The following RPTOR variants were observed in gnomAD, a reference collection of about 807,000 sequenced individuals.
RPTOR encodes the protein regulatory-associated protein of mTOR.
A neutral mutation model predicts 169.9 loss-of-function variants in RPTOR; 21 were observed. The ratio of observed to expected loss-of-function variants is 0.12; its 90% CI spans 0.09 to 0.18. The LOEUF is 0.18. RPTOR is among the 10% of genes least tolerant of loss of function. The probability of loss-of-function intolerance (pLI) is 1.00; values close to 1 mark genes in which losing one functional copy is unlikely to be tolerated. For missense variants in RPTOR, 1,133 were observed against 1,855.9 expected, an observed-to-expected ratio of 0.61 and a Z score of 7.16; for synonymous variants, 732 against 753.2, an observed-to-expected ratio of 0.97 and a Z score of 0.46.
intron 1 of RPTOR, among the ~76,000 whole-genome samples, chr17:80,582,794 T>C (rs914295026): frequency 1.3e-5 from 2 of 152,070 alleles, no homozygotes; most frequent in African/African-American, 4.8e-5. Context: ...TCCGCCCGCC[T>C]CAGCCTCCCA....
intron 6 of RPTOR, among the ~76,000 whole-genome samples, chr17:80,782,719 G>A (rs898117673): frequency 1.3e-5 from 2 of 152,168 alleles, no homozygotes; most frequent in Non-Finnish European, 2.9e-5. Flanking sequence ...AGTTCTGCAG[G>A]CATTTTCACG....
Position 80,722,548 on chromosome 17 carries a change from G to T in RPTOR, c.508-8012G>T, listed in dbSNP as rs78835762. On this transcript the variant is annotated intron_variant, in intron 4 of 33. Coordinates refer to ENST00000306801, the MANE Select transcript of RPTOR (RefSeq NM_020761.3). ...GTTTGAGGGGAGACGGCGCATAGAT[G>T]TCAGGTGGGGCAGGAATGGAAGAGA... Among the ~76,000 whole-genome samples, 618 of 151,186 alleles carry T rather than the reference G, an allele frequency of 4.1e-3. 45 individuals carry two copies. The highest frequency in any genetic ancestry group is 0.015 in the African/African-American group (598 of 40,522).
In RPTOR at chr17:80,646,035, A is replaced by G. The variant is rs1473786908; in HGVS notation, c.348+2225A>G. Reference sequence around the variant, plus strand: ...TTAAGATTACAGGATGCTTCGGAAAAGGTACCAGCGCAGGCGGGATCCCAT... The same window carrying G: ...TTAAGATTACAGGATGCTTCGGAAAGGGTACCAGCGCAGGCGGGATCCCAT... On this transcript the variant is annotated intron_variant, in intron 3 of 33. Coordinates refer to ENST00000306801, the MANE Select transcript of RPTOR (RefSeq NM_020761.3). This position sits in a 1 kb window ranked among gnomAD's most constrained non-coding sequence, Gnocchi z 5.0. Among the ~76,000 whole-genome samples, 1 of 152,212 alleles carries G rather than the reference A, an allele frequency of 6.6e-6. No homozygotes were observed. The highest frequency in any genetic ancestry group is 1.5e-5 in the Non-Finnish European group (1 of 68,034).
At chr17:80,737,893 ACT>A (rs2066447560) in intron 5 of RPTOR, among the ~76,000 whole-genome samples, 2 of 150,546 alleles carry the variant, frequency 1.3e-5, no homozygotes, top group South Asian at 4.2e-4. Flanking sequence ...TGCCATTTCC[ACT>A]GTCTATAGCA....
intron 25 of RPTOR, chr17:80,941,886 C>T (rs369479315): frequency 1.3e-5 from 2 of 152,270 alleles, no homozygotes; most frequent in South Asian, 4.1e-4. Flanking sequence ...GTACCAGCAA[C>T]GTTTCTGAAG....
chr17:80,593,116 C>A (rs1002487268), intron 1 of RPTOR: 1 of 152,268 alleles, frequency 6.6e-6, no homozygotes, highest in East Asian at 1.9e-4. Context: ...TGGTTTTCCC[C>A]GTGGGATGCT....
chr17:80,583,753 G>C (rs965426634), intron 1 of RPTOR, among the ~76,000 whole-genome samples: 1 of 152,218 alleles, frequency 6.6e-6, no homozygotes, highest in Non-Finnish European at 1.5e-5. Context: ...GAGTAGAAAC[G>C]AGAATGCACC....
Position 80,964,198 on chromosome 17 carries a change from C to G in RPTOR, c.3940-64C>G, listed in dbSNP as rs537743465. Reference sequence around the variant, plus strand: ...CTAAGGATGCGGGTTGGCCTGCGCCCCCCCGCCCCCCGCAGTGTCTGCCCG... The same window carrying G: ...CTAAGGATGCGGGTTGGCCTGCGCCGCCCCGCCCCCCGCAGTGTCTGCCCG... On this transcript the variant is annotated intron_variant, in intron 33 of 33. Transcript: ENST00000306801. 6.9e-6 allele frequency: 8 copies of G among 1,159,194 alleles called. No individual in the cohort carries two copies. The African/African-American group carries it at 7.5e-5, about 11-fold the overall frequency. The allele number at this position is 1,159,194 out of a possible 1,614,324, so 71.8% of individuals were successfully genotyped here.
Position 80,878,350 on chromosome 17 carries a change from A to C in RPTOR, c.1510-2065A>C, listed in dbSNP as rs752290880. Among the ~76,000 whole-genome samples, 2 of 151,558 alleles carry C rather than the reference A, an allele frequency of 1.3e-5. No homozygotes were observed. Among genetic ancestry groups the C allele is most frequent in the African/African-American group, 2.4e-5 (1 of 41,216 alleles). Reference sequence around the variant, plus strand: ...ATCTCTGACTCCACGACCTGAGCACAGATTTTTTTTTTTTGAGACGTAGTC... The same window carrying C: ...ATCTCTGACTCCACGACCTGAGCACCGATTTTTTTTTTTTGAGACGTAGTC... On this transcript the variant is annotated intron_variant, in intron 13 of 33. Transcript: ENST00000306801. This position sits in a 1 kb window ranked among gnomAD's most constrained non-coding sequence, Gnocchi z 4.1.
At chr17:80,935,172 G>A (rs1018531419) in intron 24 of RPTOR, among the ~76,000 whole-genome samples, 1 of 152,120 alleles carries the variant, frequency 6.6e-6, no homozygotes, top group Non-Finnish European at 1.5e-5. Flanking sequence ...TGAAAGATAT[G>A]TATTCTGAAA....
At chr17:80,629,795 T>C (rs1173485019) in intron 2 of RPTOR, among the ~76,000 whole-genome samples, 3 of 101,634 alleles carry the variant, frequency 3.0e-5, no homozygotes, top group African/African-American at 8.6e-5. Flanking sequence ...TTCCATTGTG[T>C]CTCTCTCTTC....
At chr17:80,766,984 C>T (rs1032784082) in intron 6 of RPTOR, among the ~76,000 whole-genome samples, 2 of 152,140 alleles carry the variant, frequency 1.3e-5, no homozygotes, top group African/African-American at 4.8e-5. Flanking sequence ...ATTGTCAAAA[C>T]TTTTTCTAGA....
chr17:80,841,831 C>T (rs1453969207), intron 10 of RPTOR, among the ~76,000 whole-genome samples: 1 of 135,074 alleles, frequency 7.4e-6, no homozygotes, highest in African/African-American at 2.9e-5. Context: ...TCACTCTCAC[C>T]GCACGGCAGC....
rs573706478 is a variant in RPTOR at position 80,825,468 on chromosome 17, A to T, written c.1136+2245A>T. On this transcript the variant is annotated intron_variant, in intron 9 of 33. Transcript: ENST00000306801. ...CCAGCATTTATATCAGTGCTGCTTT[A>T]TAGAAGGTCCTTGTCTAGGCCTAGC... Among the ~76,000 whole-genome samples, 1,038 of 107,280 alleles carry T rather than the reference A, an allele frequency of 9.7e-3. 13 individuals carry two copies. Among genetic ancestry groups the T allele is most frequent in the African/African-American group, 0.03 (987 of 32,392 alleles). The allele number at this position is 107,280 out of a possible 152,430, so 70.4% of individuals were successfully genotyped here.
In RPTOR at chr17:80,711,744, C is replaced by CT. The variant is rs1226456124; in HGVS notation, c.507+3761dup. Among the ~76,000 whole-genome samples, 369 of 88,824 alleles carry CT rather than the reference C, an allele frequency of 4.2e-3. 55 individuals carry two copies. Among genetic ancestry groups the CT allele is most frequent in the African/African-American group, 8.8e-3 (137 of 15,650 alleles). 58.3% of individuals were successfully genotyped at this position (88,824 alleles called of 152,430 possible). A position where few individuals can be genotyped will look rare whatever the true frequency, so the allele number is the denominator to read the frequency against. On this transcript the variant is annotated intron_variant, in intron 4 of 33. Transcript: ENST00000306801. ...AGTTAACATATAGTTATACATCAGTCTTTTTTTTTTTTTTTTGAGGTTAAG... is the reference window on the plus strand; with the variant it reads ...AGTTAACATATAGTTATACATCAGTCTTTTTTTTTTTTTTTTTGAGGTTAAG...
intron 9 of RPTOR, among the ~76,000 whole-genome samples, chr17:80,830,608 G>A (rs367829815): frequency 1.3e-5 from 2 of 152,208 alleles, no homozygotes; most frequent in African/African-American, 4.8e-5. Context: ...CAGTGGCTTC[G>A]AAAGGAGTTT....
At chr17:80,755,823 C>T (rs56095690) in intron 6 of RPTOR, among the ~76,000 whole-genome samples, 7,980 of 151,596 alleles carry the variant, frequency 0.053, 264 homozygotes, top group Non-Finnish European at 0.079. Flanking sequence ...TGCAGTGTTT[C>T]TGCTGTCCAG....
At chr17:80,880,318 A>G (rs2068172097) in intron 13 of RPTOR, 97 bp from the exon 14 acceptor site, 1 of 1,005,630 alleles carries the variant, frequency 9.9e-7, no homozygotes, top group East Asian at 2.4e-5. Context: ...TTGAGGTATA[A>G]GAAGTCCCTG....
chr17:80,733,951 C>T (rs2066413724), intron 5 of RPTOR, among the ~76,000 whole-genome samples: 2 of 152,148 alleles, frequency 1.3e-5, no homozygotes, highest in African/African-American at 2.4e-5. Context: ...CTTTCTTCTG[C>T]CTTTTTTCTT....
Sources: gnomAD v4.1 joint callset for allele counts (sites outside exome capture counted in the v4.1 genomes callset) on GRCh38, gnomAD v4.1.1 for gene constraint, Gnocchi (gnomAD v3.1) non-coding constraint, MANE v1.5 for transcripts, NCBI Gene and HGNC (gene_info 2026-07-23, HGNC 2026-07-21) for gene names.